RNF128: variants seen among roughly 807,000 people sequenced by gnomAD.
RNF128 encodes the protein E3 ubiquitin-protein ligase RNF128.
Under a neutral mutation model 26.2 loss-of-function variants are expected in RNF128, and 13 were observed. That is an observed-to-expected ratio of 0.50 (90% CI 0.32 to 0.79). RNF128 has a LOEUF of 0.79. RNF128 is among the 30% of genes least tolerant of loss of function. RNF128 has a pLI of 0.03. For missense variants in RNF128, 315 were observed against 349.7 expected (o/e 0.90, Z 0.79); for synonymous variants, 149 against 142.5 (o/e 1.05, Z -0.32).
chrX:106,795,488 A>C, intron 6 of RNF128, 92 bp from the exon 7 acceptor site: 1 of 859,953 alleles, frequency 1.2e-6, no homozygotes, highest in Non-Finnish European at 1.6e-6. Context: ...GTTGAAATTA[A>C]ATAAGAAAGA....
chrX:106,780,012 T>C (rs1053861742), intron 2 of RNF128, among the ~76,000 whole-genome samples: 3 of 111,765 alleles, frequency 2.7e-5, no homozygotes, highest in Non-Finnish European at 5.6e-5. Context: ...TTTAGGAAAA[T>C]GTTTATTTTT....
In RNF128 at chrX:106,726,828, GC is replaced by G; in HGVS notation, c.-85del. The G allele has an allele frequency of 9.2e-7, 1 of 1,090,545 alleles. No individual in the cohort carries two copies. The highest frequency in any genetic ancestry group is 2.3e-5 in the South Asian group (1 of 42,902). 89.9% of individuals were successfully genotyped at this position (1,090,545 alleles called of 1,213,427 possible). On this transcript the variant is annotated 5_prime_UTR_variant, in exon 1 of 7. Coordinates refer to ENST00000255499, the MANE Select transcript of RNF128 (RefSeq NM_194463.2). Reference sequence around the variant, plus strand: ...TCTCACTCCATTCCTTCCCCACCTGGCGCGCACCTGCTCAAGACCAGGGTCC... The same window carrying G: ...TCTCACTCCATTCCTTCCCCACCTGGGCGCACCTGCTCAAGACCAGGGTCC...
upstream of RNF128, among the ~76,000 whole-genome samples, chrX:106,722,346 A>G (rs183677094): frequency 2.5e-3 from 282 of 111,023 alleles, no homozygotes; most frequent in African/African-American, 8.9e-3. Flanking sequence ...ACATATATAC[A>G]TGCAGATCCC....
At chrX:106,765,893 A>G (rs1423709395) in intron 1 of RNF128, among the ~76,000 whole-genome samples, 8 of 57,170 alleles carry the variant, frequency 1.4e-4, no homozygotes, top group Admixed American at 5.6e-4. Flanking sequence ...GACAGGCTCC[A>G]GTGTGTGATG....
chrX:106,778,877 A>G (rs1014106275), intron 2 of RNF128, among the ~76,000 whole-genome samples: 7 of 112,097 alleles, frequency 6.2e-5, no homozygotes, highest in Non-Finnish European at 1.3e-4. Context: ...TGGTTACATT[A>G]AGTTTTTTTC....
At chrX:106,704,394 C>CT (rs1388215971) in intron 1 of RNF128, among the ~76,000 whole-genome samples, 4 of 97,874 alleles carry the variant, frequency 4.1e-5, no homozygotes, top group Non-Finnish European at 6.1e-5. Flanking sequence ...GATCGCGCCA[C>CT]GCACTCCAGC....
intron 1 of RNF128, among the ~76,000 whole-genome samples, chrX:106,762,288 G>A (rs1004820182): frequency 9.2e-6 from 1 of 109,115 alleles, no homozygotes; most frequent in Non-Finnish European, 1.9e-5. Flanking sequence ...CCCAGCCCCT[G>A]GTAATCACTA....
At chrX:106,790,341 C>T in intron 5 of RNF128, 59 bp downstream of exon 5, 1 of 803,026 alleles carries the variant, frequency 1.2e-6, no homozygotes, top group Non-Finnish European at 1.9e-6. Flanking sequence ...GAGAAAATAA[C>T]AAAATAACAT....
intron 1 of RNF128, among the ~76,000 whole-genome samples, chrX:106,743,912 A>C (rs201266503): frequency 1.5e-4 from 16 of 107,688 alleles, no homozygotes; most frequent in African/African-American, 1.7e-4. Context: ...ACCATGGAAT[A>C]CTATGCAGCC....
At chrX:106,700,094 T>A (rs1374957493) in intron 1 of RNF128, among the ~76,000 whole-genome samples, 1 of 108,982 alleles carries the variant, frequency 9.2e-6, no homozygotes, top group African/African-American at 3.3e-5. Flanking sequence ...CAAACAAAGT[T>A]CACTGAAGTC....
chrX:106,787,132 A>G (rs1930670924), intron 3 of RNF128, among the ~76,000 whole-genome samples: 1 of 111,566 alleles, frequency 9.0e-6, no homozygotes, highest in Non-Finnish European at 1.9e-5. Context: ...ATCTACGTTC[A>G]CATAAAAACA....
intron 1 of RNF128, among the ~76,000 whole-genome samples, chrX:106,762,579 G>C (rs987935249): frequency 9.0e-6 from 1 of 111,099 alleles, no homozygotes; most frequent in African/African-American, 3.3e-5. Flanking sequence ...CTCCCAAAGT[G>C]CTGGGATTAC....
intron 1 of RNF128, among the ~76,000 whole-genome samples, chrX:106,711,529 G>C (rs1273586389): frequency 9.0e-6 from 1 of 111,726 alleles, no homozygotes; most frequent in Non-Finnish European, 1.9e-5. Context: ...ATCATAGTTA[G>C]AGTGCAATTC....
upstream of RNF128, among the ~76,000 whole-genome samples, chrX:106,724,438 A>G (rs1334052603): frequency 9.0e-6 from 1 of 110,942 alleles, no homozygotes; most frequent in Non-Finnish European, 1.9e-5. Context: ...AACCCTGATT[A>G]TATTACTCCT....
At chrX:106,694,540 A>C (rs909896680) in intron 1 of RNF128, 1 of 366,965 alleles carries the variant, frequency 2.7e-6, no homozygotes, top group Non-Finnish European at 4.5e-6. Flanking sequence ...TGCCTGGCAC[A>C]ACTTGTAATT....
intron 1 of RNF128, among the ~76,000 whole-genome samples, chrX:106,720,758 CA>C (rs1328246154): frequency 9.0e-6 from 1 of 111,486 alleles, no homozygotes; most frequent in African/African-American, 3.3e-5. Flanking sequence ...CAAGATACTT[CA>C]TTTTTCTGAG....
At chrX:106,727,526 G>T (rs931867801) in intron 1 of RNF128, 129 bp downstream of exon 1, 2 of 865,975 alleles carry the variant, frequency 2.3e-6, no homozygotes, top group African/African-American at 4.1e-5. Context: ...TGTCCCCACG[G>T]AGTGGGGCAG....
At chrX:106,741,805 TAC>T (rs750737241) in intron 1 of RNF128, among the ~76,000 whole-genome samples, 41 of 112,055 alleles carry the variant, frequency 3.7e-4, no homozygotes, top group African/African-American at 1.3e-3. Flanking sequence ...TTGCTATAGA[TAC>T]AGTGATGAAA....
At chrX:106,701,605 G>A (rs1370976828) in intron 1 of RNF128, among the ~76,000 whole-genome samples, 1 of 110,864 alleles carries the variant, frequency 9.0e-6, no homozygotes, top group Non-Finnish European at 1.9e-5. Flanking sequence ...TAGGTAAAAG[G>A]GACAATTTTG....
Sources: gnomAD v4.1 joint callset for allele counts (sites outside exome capture counted in the v4.1 genomes callset) on GRCh38, gnomAD v4.1.1 for gene constraint, MANE v1.5 for transcripts, NCBI Gene and HGNC (gene_info 2026-07-23, HGNC 2026-07-21) for gene names.